Variants in RBCK1 observed in about 807,000 individuals in gnomAD.
RBCK1 encodes the protein ranBP-type and C3HC4-type zinc finger-containing protein 1.
Under a neutral mutation model 71.1 loss-of-function variants are expected in RBCK1, and 44 were observed. The ratio of observed to expected loss-of-function variants is 0.62; its 90% confidence interval spans 0.49 to 0.80. RBCK1 has a LOEUF of 0.80. RBCK1 is among the 30% of genes least tolerant of loss of function. The probability of loss-of-function intolerance (pLI) is 0.00; values close to 1 mark genes in which losing one functional copy is unlikely to be tolerated. For missense variants in RBCK1, 569 were observed against 685.0 expected (o/e 0.83, Z 1.89); for synonymous variants, 306 against 279.7 (o/e 1.09, Z -0.94).
intron 6 of RBCK1, 83 bp from the exon 7 acceptor site, chr20:420,788 A>G: frequency 8.3e-7 from 1 of 1,209,352 alleles, no homozygotes; most frequent in Non-Finnish European, 1.1e-6. Context: ...AGCCCTGACC[A>G]CGCCCCCTGG....
Position 430,106 on chromosome 20 carries a change from G to A in RBCK1, c.1453-244G>A, listed in dbSNP as rs1281219285. Among the ~76,000 whole-genome samples, 1 of 152,230 alleles carries A rather than the reference G, an allele frequency of 6.6e-6. No homozygotes were observed. The highest frequency in any genetic ancestry group is 1.5e-5 in the Non-Finnish European group (1 of 68,044). ...AAACTGCCCTCTCGCATGCTGACAT[G>A]TCTAGAATATGCAGAGTGGTCAGAT... On this transcript the variant is annotated intron_variant, in intron 11 of 11. Coordinates refer to ENST00000356286, the MANE Select transcript of RBCK1 (RefSeq NM_031229.4). The surrounding 1 kb of genome is among the most constrained non-coding windows in gnomAD (Gnocchi z 5.6).
Position 422,057 on chromosome 20 carries a change from A to G in RBCK1, c.918-70A>G. The G allele has an allele frequency of 7.9e-7, 1 of 1,260,802 alleles. No homozygotes were observed. The highest frequency in any genetic ancestry group is 1.2e-5 in the South Asian group (1 of 81,636). The allele number at this position is 1,260,802 out of a possible 1,614,324, so 78.1% of individuals were successfully genotyped here. ...GAGGCCCCTGGGGTCAGGCCTTGCC[A>G]TGTGAGGGATGGAGTCCCCAGTGAA... On this transcript the variant is annotated intron_variant, in intron 7 of 11. Coordinates refer to ENST00000356286, the MANE Select transcript of RBCK1 (RefSeq NM_031229.4). This position sits in a 1 kb window ranked among gnomAD's most constrained non-coding sequence, Gnocchi z 5.0.
Position 417,425 on chromosome 20 carries a change from A to G in RBCK1, c.168-101A>G, listed in dbSNP as rs1346566428. 2 of 908,010 alleles carry G rather than the reference A, an allele frequency of 2.2e-6. No homozygotes were observed. Among genetic ancestry groups the G allele is most frequent in the South Asian group, 2.8e-5 (2 of 71,900 alleles). The allele number at this position is 908,010 out of a possible 1,614,324, so 56.2% of individuals were successfully genotyped here. On this transcript the variant is annotated intron_variant, in intron 2 of 11. Transcript: ENST00000356286. The surrounding 1 kb of genome is among the most constrained non-coding windows in gnomAD (Gnocchi z 4.7). ...TGTGTGTGTGTGTGTGTGTGTGTGCATGGCCATGTGCCTGTGTGCAAATAT... is the reference window on the plus strand; with the variant it reads ...TGTGTGTGTGTGTGTGTGTGTGTGCGTGGCCATGTGCCTGTGTGCAAATAT...
At chr20:420,632 C>A (rs1430927447) in intron 6 of RBCK1, 1 of 944,762 alleles carries the variant, frequency 1.1e-6, no homozygotes, top group African/African-American at 1.9e-5. Flanking sequence ...TGGCCTCACT[C>A]CCAGCCCCGC....
chr20:418,495 A>C (rs940873346), intron 4 of RBCK1, among the ~76,000 whole-genome samples: 18 of 152,088 alleles, frequency 1.2e-4, no homozygotes, highest in Non-Finnish European at 2.9e-5. Flanking sequence ...CAGCCTCCGG[A>C]GTAGCTGGGA....
chr20:427,733 G>C (rs1207549742), intron 9 of RBCK1, among the ~76,000 whole-genome samples: 1 of 152,086 alleles, frequency 6.6e-6, no homozygotes, highest in Non-Finnish European at 1.5e-5. Flanking sequence ...TCACAATGGA[G>C]CCCCGACCCT....
rs568714524 is a variant in RBCK1 at position 429,190 on chromosome 20, C to A, written c.1452+96C>A. 30 of 1,460,418 alleles carry A rather than the reference C, an allele frequency of 2.1e-5. No homozygotes were observed. In the South Asian group the frequency reaches 4.0e-4, roughly 19 times the overall value. The allele number at this position is 1,460,418 out of a possible 1,614,324, so 90.5% of individuals were successfully genotyped here. On this transcript the variant is annotated intron_variant, in intron 11 of 11. Transcript: ENST00000356286. The stretch of plus-strand genomic sequence containing the variant: ...ACTACAGCCCATGGGCCATATCCAA[C>A]CCAGCACCTGAATTTGTACAGCTCC...
rs770866712 is a variant in RBCK1 at position 417,935 on chromosome 20, G to A, written c.460+5G>A. ...GGCAGCTGCGGATGCTGGAAGGTGA[G>A]GCTCTGCCCTGAGCACCGCCGGACC... On this transcript the variant is annotated splice_donor_5th_base_variant and intron_variant, in intron 4 of 11. Transcript: ENST00000356286. This position sits in a 1 kb window ranked among gnomAD's most constrained non-coding sequence, Gnocchi z 4.7. 5.0e-6 allele frequency: 8 copies of A among 1,603,368 alleles called. No individual in the cohort carries two copies. In the South Asian group the frequency reaches 5.5e-5, roughly 11 times the overall value.
intron 2 of RBCK1, among the ~76,000 whole-genome samples, chr20:412,132 C>T (rs945756527): frequency 6.6e-6 from 1 of 152,192 alleles, no homozygotes; most frequent in Non-Finnish European, 1.5e-5. Context: ...TCCACATCAT[C>T]TCTAATACTT....
In RBCK1 at chr20:408,405, G is replaced by C. The variant is rs1436500338; in HGVS notation, c.-353G>C. On this transcript the variant is annotated 5_prime_UTR_variant, in exon 1 of 12. Transcript: ENST00000356286. ...AACCCGGGACGCCAGGGGCGCTCCC[G>C]CAAGTGGGGGTCCTCCGGGACTTGG... The C allele has an allele frequency of 2.3e-6, 1 of 434,184 alleles. No homozygotes were observed. Among genetic ancestry groups the C allele is most frequent in the Non-Finnish European group, 4.1e-6 (1 of 242,126 alleles). The allele number at this position is 434,184 out of a possible 1,614,324, so 26.9% of individuals were successfully genotyped here.
intron 2 of RBCK1, among the ~76,000 whole-genome samples, chr20:416,181 A>T (rs1327942334): frequency 7.1e-6 from 1 of 141,028 alleles, no homozygotes; most frequent in East Asian, 2.0e-4. Flanking sequence ...TTTGAGACAG[A>T]GTTTCACTCT....
Position 422,328 on chromosome 20 carries a change from T to A in RBCK1, c.1029+90T>A. On this transcript the variant is annotated intron_variant, in intron 8 of 11. Transcript: ENST00000356286. The surrounding 1 kb of genome is among the most constrained non-coding windows in gnomAD (Gnocchi z 5.0). ...GCAGCAGACATCTTTCTTTTCTTTC[T>A]TTTTTTTTTTTGGAGATGGGGTCTC... 1 of 323,772 alleles carries A rather than the reference T, an allele frequency of 3.1e-6. No homozygotes were observed. Among genetic ancestry groups the A allele is most frequent in the Non-Finnish European group, 4.8e-6 (1 of 210,204 alleles). The allele number at this position is 323,772 out of a possible 1,614,324, so 20.1% of individuals were successfully genotyped here. A position where few individuals can be genotyped will look rare whatever the true frequency, so the allele number is the denominator to read the frequency against.
chr20:419,993 G>T (rs1215961029), intron 6 of RBCK1: 1 of 985,144 alleles, frequency 1.0e-6, no homozygotes, highest in Non-Finnish European at 1.2e-6. Flanking sequence ...CACGTGGGCT[G>T]TGGCTCCATC....
intron 4 of RBCK1, among the ~76,000 whole-genome samples, chr20:418,848 G>A (rs919196276): frequency 1.3e-5 from 2 of 152,138 alleles, no homozygotes. Flanking sequence ...GGAAACTAAC[G>A]CTGATACAGT....
chr20:413,243 T>C (rs1220016362), intron 2 of RBCK1, among the ~76,000 whole-genome samples: 3 of 152,208 alleles, frequency 2.0e-5, no homozygotes, highest in African/African-American at 7.2e-5. Context: ...TTTTTCAATA[T>C]TGTTTTGGTT....
At chr20:425,429 C>G (rs2016657534) in intron 8 of RBCK1, among the ~76,000 whole-genome samples, 1 of 152,228 alleles carries the variant, frequency 6.6e-6, no homozygotes. Context: ...CCACCAACCA[C>G]TGTTACATAT....
intron 8 of RBCK1, among the ~76,000 whole-genome samples, chr20:425,113 C>G (rs2016637220): frequency 6.6e-6 from 1 of 152,152 alleles, no homozygotes; most frequent in Non-Finnish European, 1.5e-5. Flanking sequence ...CGGGTTCACG[C>G]CATTCTCCTG....
At chr20:418,997 G>A (rs529603216) in intron 4 of RBCK1, among the ~76,000 whole-genome samples, 94 of 152,276 alleles carry the variant, frequency 6.2e-4, no homozygotes, top group African/African-American at 2.1e-3. Context: ...TTTTTGGCGG[G>A]GGTTGGGGGC....
At chr20:425,396 T>C in intron 8 of RBCK1, among the ~76,000 whole-genome samples, 1 of 152,224 alleles carries the variant, frequency 6.6e-6, no homozygotes, top group East Asian at 1.9e-4. Context: ...TCAGGTAAAT[T>C]TTAACAAATG....
Sources: allele counts gnomAD v4.1 joint callset (sites outside exome capture counted in the v4.1 genomes callset), GRCh38; gene constraint gnomAD v4.1.1; non-coding constraint Gnocchi (gnomAD v3.1); transcripts MANE v1.5; gene names NCBI Gene and HGNC (gene_info 2026-07-23, HGNC 2026-07-21).